The following SPEF2 variants were observed in gnomAD, a reference collection of about 807,000 sequenced individuals.
SPEF2 encodes sperm flagellar and cilia associated 2, also known as sperm flagella and cilia-associated protein 2.
SPEF2 carries 187 observed loss-of-function variants against 224.6 expected under a neutral mutation model. That is an observed-to-expected ratio of 0.83 (90% CI 0.74 to 0.94). The LOEUF (loss-of-function observed/expected upper bound fraction) is 0.94, where lower values mean the gene tolerates loss of function less well. Among genes scored for constraint, SPEF2 ranks in the 40% least tolerant of loss-of-function variants. The pLI is 0.00. For synonymous variants in SPEF2, 715 were observed against 707.3 expected (o/e 1.01, Z -0.17); for missense variants, 2,170 against 2,135.6 (o/e 1.02, Z -0.32).
At chr5:35,741,414 C>T (rs568504075) in intron 23 of SPEF2, among the ~76,000 whole-genome samples, 123 of 152,252 alleles carry the variant, frequency 8.1e-4, no homozygotes, top group African/African-American at 2.6e-3. Context: ...AGGGGGAGGA[C>T]ACTTGGTGTG....
chr5:35,696,369 A>C (rs534320394), intron 14 of SPEF2, among the ~76,000 whole-genome samples: 12 of 152,314 alleles, frequency 7.9e-5, no homozygotes, highest in African/African-American at 2.9e-4. Flanking sequence ...AACTGCTTAA[A>C]GATAGAAAAA....
intron 36 of SPEF2, among the ~76,000 whole-genome samples, chr5:35,808,744 A>C (rs1428074024): frequency 6.7e-6 from 1 of 148,388 alleles, no homozygotes; most frequent in East Asian, 1.9e-4. Flanking sequence ...ATATATACAC[A>C]CATATATATT....
chr5:35,807,769 G>T lies in SPEF2; in HGVS notation c.5379+516G>T, dbSNP rs1358461264. The T allele has an allele frequency of 2.6e-6, 4 of 1,535,728 alleles. No individual in the cohort carries two copies. In the East Asian group the frequency reaches 7.3e-5, roughly 28 times the overall value. ...GAGAAACTGGACAAACCCAGCAGAA[G>T]AAAGGAAGAACTGCAACTCAGAAAT... On this transcript the variant is annotated intron_variant, in intron 36 of 36. Transcript: ENST00000356031.
chr5:35,726,173 AGTT>A (rs1172295039), intron 20 of SPEF2, among the ~76,000 whole-genome samples: 2 of 152,216 alleles, frequency 1.3e-5, no homozygotes, highest in African/African-American at 4.8e-5. Flanking sequence ...GTTACACAAA[AGTT>A]GTATGGAATC....
intron 19 of SPEF2, among the ~76,000 whole-genome samples, chr5:35,711,310 TTTGTTAAAAAA>T (rs1174707243): frequency 6.6e-6 from 1 of 151,282 alleles, no homozygotes; most frequent in Non-Finnish European, 1.5e-5. Flanking sequence ...TTGTTAAAAT[TTTGTTAAAAAA>T]TTGTTATTTT....
At chr5:35,756,488 G>A (rs544496977) in intron 24 of SPEF2, among the ~76,000 whole-genome samples, 27 of 152,242 alleles carry the variant, frequency 1.8e-4, no homozygotes, top group South Asian at 1.2e-3. Context: ...AGGAGGTTTC[G>A]GTTCAATATT....
At chr5:35,795,323 G>A (rs1349446252) in intron 32 of SPEF2, among the ~76,000 whole-genome samples, 1 of 152,086 alleles carries the variant, frequency 6.6e-6, no homozygotes, top group Admixed American at 6.6e-5. Flanking sequence ...TTTTTAATGG[G>A]GGCACAGACT....
intron 23 of SPEF2, among the ~76,000 whole-genome samples, chr5:35,747,256 G>A (rs1748684291): frequency 6.6e-6 from 1 of 151,694 alleles, no homozygotes; most frequent in Admixed American, 6.6e-5. Context: ...AAAAATACAA[G>A]TTAAAAAAGC....
At chr5:35,796,618 A>AC (rs1756707981) in intron 33 of SPEF2, among the ~76,000 whole-genome samples, 1 of 151,732 alleles carries the variant, frequency 6.6e-6, no homozygotes, top group Non-Finnish European at 1.5e-5. Context: ...TCAAAAAAAA[A>AC]AAAAATCTCA....
chr5:35,804,496 C>T (rs903689848), intron 34 of SPEF2, among the ~76,000 whole-genome samples: 3 of 152,204 alleles, frequency 2.0e-5, no homozygotes, highest in African/African-American at 7.2e-5. Context: ...ACCACCTCCT[C>T]TTGCACACGT....
chr5:35,807,342 G>A, intron 36 of SPEF2, 89 bp downstream of exon 36: 2 of 1,508,350 alleles, frequency 1.3e-6, no homozygotes, highest in Non-Finnish European at 1.8e-6. Flanking sequence ...GCATGGAAGA[G>A]AAAGAAGCTG....
chr5:35,734,331 C>T (rs1273278936), intron 21 of SPEF2, among the ~76,000 whole-genome samples: 1 of 147,632 alleles, frequency 6.8e-6, no homozygotes, highest in South Asian at 2.1e-4. Flanking sequence ...GTTCCTTCTG[C>T]TCAGAGTGCT....
intron 30 of SPEF2, 116 bp from the exon 31 acceptor site, chr5:35,792,224 A>G (rs1049671516): frequency 8.2e-6 from 5 of 613,160 alleles, no homozygotes; most frequent in African/African-American, 5.6e-5. Flanking sequence ...AAAACTTACC[A>G]TTTTATATAA....
intron 20 of SPEF2, among the ~76,000 whole-genome samples, chr5:35,724,992 C>G (rs1744388139): frequency 6.6e-6 from 1 of 151,928 alleles, no homozygotes; most frequent in African/African-American, 2.4e-5. Context: ...GTATCTCCAG[C>G]TCTACGCAGA....
intron 18 of SPEF2, among the ~76,000 whole-genome samples, chr5:35,706,575 T>G (rs769082850): frequency 1.3e-5 from 2 of 152,146 alleles, no homozygotes; most frequent in Non-Finnish European, 2.9e-5. Flanking sequence ...TATTGGCAAC[T>G]ACTGTTTCTT....
In SPEF2 at chr5:35,641,653, T is replaced by C; in HGVS notation, c.384T>C (p.Leu128=). 6.2e-7 allele frequency: 1 copy of C among 1,613,320 alleles called. No individual in the cohort carries two copies. Among genetic ancestry groups the C allele is most frequent in the Non-Finnish European group, 8.5e-7 (1 of 1,179,610 alleles). Residue 128 remains leucine, a synonymous_variant, in exon 3 of 37, where the codon CTT becomes CTC. Transcript: ENST00000356031. ...QTMQRLTNLR[L]QNMKSDTFQE... ...TGCAACGTCTGACAAATTTAAGACT[T>C]CAAAACATGAAAAGTGATACTTTTC...
chr5:35,702,617 G>T (rs1178970948), intron 16 of SPEF2, among the ~76,000 whole-genome samples: 1 of 152,166 alleles, frequency 6.6e-6, no homozygotes, highest in Admixed American at 6.6e-5. Flanking sequence ...ACTGTCTTCA[G>T]TTCATTAATT....
At chr5:35,753,503 A>G in intron 23 of SPEF2, 121 bp from the exon 24 acceptor site, 1 of 1,304,912 alleles carries the variant, frequency 7.7e-7, no homozygotes. Context: ...CAGGAGTGCA[A>G]TTGGTGTAAA....
intron 15 of SPEF2, chr5:35,699,787 A>G (rs1160237029): frequency 6.6e-6 from 1 of 152,166 alleles, no homozygotes; most frequent in Non-Finnish European, 1.5e-5. Flanking sequence ...TAGAAAATGC[A>G]GTTCATACTC....
Sources: allele counts gnomAD v4.1 joint callset (sites outside exome capture counted in the v4.1 genomes callset), GRCh38; gene constraint gnomAD v4.1.1; transcripts MANE v1.5; gene names NCBI Gene and HGNC (gene_info 2026-07-23, HGNC 2026-07-21).